NUDT9: variants seen among roughly 807,000 people sequenced by gnomAD.
NUDT9 encodes ADP-ribose pyrophosphatase.
A neutral mutation model predicts 41.0 loss-of-function variants in NUDT9; 31 were observed. The ratio of observed to expected loss-of-function variants is 0.76; its 90% CI spans 0.57 to 1.02. NUDT9 has a LOEUF of 1.02. Among genes scored for constraint, NUDT9 ranks in the 50% least tolerant of loss-of-function variants. The pLI is 0.00. For missense variants in NUDT9, 380 were observed against 431.4 expected (o/e 0.88, Z 1.06); for synonymous variants, 146 against 147.6 (o/e 0.99, Z 0.08).
In NUDT9 at chr4:87,422,986, G is replaced by T. The variant is rs760076747; in HGVS notation, c.81G>T (p.Ser27=). ...LALASVTIRS[S]RCRGIQAFRN... The stretch of plus-strand genomic sequence containing the variant: ...TGGCCTCTGTGACTATCAGGTCCTC[G>T]CGCTGCCGCGGCATCCAGGCGTTCA... The change falls in exon 1 of 8, where the codon TCG becomes TCT. Residue 27 remains serine (S), a synonymous_variant. Coordinates refer to ENST00000302174, the MANE Select transcript of NUDT9 (RefSeq NM_024047.5). 4 of 1,612,930 alleles carry T rather than the reference G, an allele frequency of 2.5e-6. No homozygotes were observed. The highest frequency in any genetic ancestry group is 3.4e-6 in the Non-Finnish European group (4 of 1,179,592).
Position 87,441,904 on chromosome 4 carries a change from C to G in NUDT9, c.519C>G (p.Pro173=), listed in dbSNP as rs751160902. Residue 173 remains proline (P), a synonymous_variant, in exon 4 of 8, where the codon CCC becomes CCG. Transcript: ENST00000302174. ...GRWGPNHAAD[P]IITRWKRDSS... is the part of the protein sequence containing the mutation. ...GGGGCCCAAATCACGCTGCAGATCC[C>G]ATTATAACCAGGTAAGAACCAATAA... 1 of 1,606,582 alleles carries G rather than the reference C, an allele frequency of 6.2e-7. No individual in the cohort carries two copies. Among genetic ancestry groups the G allele is most frequent in the South Asian group, 1.1e-5 (1 of 89,636 alleles).
At chr4:87,438,147 A>C (rs1037114685) in intron 2 of NUDT9, 130 bp from the exon 3 acceptor site, 4 of 481,828 alleles carry the variant, frequency 8.3e-6, no homozygotes, top group Admixed American at 6.9e-5. Context: ...TGAAAAAAAA[A>C]AAAAAACTAA....
At chr4:87,446,247 CT>C (rs386400738) in intron 4 of NUDT9, among the ~76,000 whole-genome samples, 87 of 124,206 alleles carry the variant, frequency 7.0e-4, no homozygotes, top group Admixed American at 1.0e-3. Flanking sequence ...CTTATCTTTC[CT>C]TTTTTTTTTT....
In NUDT9 at chr4:87,458,863, T is replaced by A. The variant is rs1723098163; in HGVS notation, c.*842T>A. The stretch of plus-strand genomic sequence containing the variant: ...ATACGCTGTTAGTGGGAGTGTAAAT[T>A]GGTCCAACCATTGTGGAAGAGAGTG... On this transcript the variant is annotated 3_prime_UTR_variant, in exon 8 of 8. Transcript: ENST00000302174. 6.6e-6 allele frequency: 1 copy of A among 152,188 alleles called. No individual in the cohort carries two copies. The highest frequency in any genetic ancestry group is 6.5e-5 in the Admixed American group (1 of 15,284). 9.4% of individuals were successfully genotyped at this position (152,188 alleles called of 1,614,324 possible). A position where few individuals can be genotyped will look rare whatever the true frequency, so the allele number is the denominator to read the frequency against.
At chr4:87,439,117 G>T (rs1000484294) in intron 3 of NUDT9, among the ~76,000 whole-genome samples, 2 of 151,632 alleles carry the variant, frequency 1.3e-5, no homozygotes, top group African/African-American at 4.9e-5. Flanking sequence ...GGTGGGCTGA[G>T]ATTGCGCCAC....
At chr4:87,452,168 A>T (rs1302378968) in intron 6 of NUDT9, among the ~76,000 whole-genome samples, 3 of 151,836 alleles carry the variant, frequency 2.0e-5, no homozygotes, top group African/African-American at 7.3e-5. Context: ...ACGCCCGGCT[A>T]ATTTTTGTAT....
intron 1 of NUDT9, among the ~76,000 whole-genome samples, chr4:87,429,761 TCC>T (rs1721598444): frequency 6.8e-6 from 1 of 148,030 alleles, no homozygotes. Flanking sequence ...TACTCCCCTT[TCC>T]CCCTCCCTTT....
At chr4:87,440,024 G>A (rs1722135327) in intron 3 of NUDT9, among the ~76,000 whole-genome samples, 1 of 152,026 alleles carries the variant, frequency 6.6e-6, no homozygotes, top group South Asian at 2.1e-4. Context: ...TCTTTCTTTG[G>A]TCATAACTTA....
Position 87,441,882 on chromosome 4 carries a change from G to T in NUDT9, c.497G>T (p.Gly166Val). ...LVGRGLLGRW[G>V]PNHAADPIIT... ...GGCCGGGGGCTTTTGGGGCGATGGG[G>T]CCCAAATCACGCTGCAGATCCCATT... is the stretch of plus-strand genomic sequence containing the variant. Residue 166 changes from glycine to valine, a missense_variant, in exon 4 of 8, where the codon GGC (glycine) becomes GTC (valine). Transcript: ENST00000302174. The T allele has an allele frequency of 6.2e-7, 1 of 1,612,972 alleles. No homozygotes were observed. The highest frequency in any genetic ancestry group is 8.5e-7 in the Non-Finnish European group (1 of 1,179,554).
Position 87,451,735 on chromosome 4 carries a change from G to C in NUDT9, c.789G>C (p.Val263=). The change falls in exon 6 of 8, where the codon GTG becomes GTC. Residue 263 remains valine (V), a splice_region_variant and synonymous_variant. Coordinates refer to ENST00000302174, the MANE Select transcript of NUDT9 (RefSeq NM_024047.5). The part of the protein sequence containing the change: ...LHKLFSQDHL[V]IYKGYVDDPR... The stretch of plus-strand genomic sequence containing the variant: ...AACTCTTCAGCCAAGACCACCTAGT[G>C]GTAAGAAATAGTGTTTCTGGGAGGG... The C allele has an allele frequency of 6.2e-7, 1 of 1,612,698 alleles. No homozygotes were observed.
At chr4:87,446,709 A>G (rs1239878486) in intron 4 of NUDT9, among the ~76,000 whole-genome samples, 4 of 152,128 alleles carry the variant, frequency 2.6e-5, no homozygotes, top group South Asian at 2.1e-4. Context: ...CTCATTTTCC[A>G]TATCTGTAAA....
intron 7 of NUDT9, among the ~76,000 whole-genome samples, chr4:87,456,079 C>T (rs552200266): frequency 6.6e-6 from 1 of 152,220 alleles, no homozygotes; most frequent in African/African-American, 2.4e-5. Context: ...TTTTTGTTTG[C>T]TGTCATTGTA....
chr4:87,450,378 C>CT (rs59228872), intron 5 of NUDT9, among the ~76,000 whole-genome samples: 2,778 of 102,296 alleles, frequency 0.027, 78 homozygotes, highest in South Asian at 0.062. Flanking sequence ...TTTTCTTTTT[C>CT]TTTTTTTTTT....
chr4:87,455,661 T>C (rs1053844784), intron 7 of NUDT9, among the ~76,000 whole-genome samples: 2 of 148,592 alleles, frequency 1.3e-5, no homozygotes, highest in African/African-American at 4.9e-5. Context: ...CTTTTTTCTT[T>C]TTTTTTTTTT....
chr4:87,433,631 G>A (rs1721781473), intron 1 of NUDT9, among the ~76,000 whole-genome samples: 1 of 152,188 alleles, frequency 6.6e-6, no homozygotes, highest in African/African-American at 2.4e-5. Flanking sequence ...ATTTTACCAT[G>A]TCCTCAGAAT....
intron 2 of NUDT9, among the ~76,000 whole-genome samples, chr4:87,436,278 T>G (rs1377631292): frequency 6.6e-6 from 1 of 152,210 alleles, no homozygotes; most frequent in African/African-American, 2.4e-5. Flanking sequence ...TTACTCATTT[T>G]GCATAACTGA....
Position 87,423,028 on chromosome 4 carries a change from A to G in NUDT9, c.107+16A>G, listed in dbSNP as rs1203008295. On this transcript the variant is annotated intron_variant, in intron 1 of 7. Transcript: ENST00000302174. ...AGGCGTTCAGGTATTCCACCCTCCT[A>G]CTACCGGCTCCTTTGCCCTAGACCT... 3 of 1,599,676 alleles carry G rather than the reference A, an allele frequency of 1.9e-6. No individual in the cohort carries two copies. Among genetic ancestry groups the G allele is most frequent in the Middle Eastern group, 1.7e-4 (1 of 6,036 alleles).
chr4:87,436,478 CTT>C (rs1721940300), intron 2 of NUDT9, among the ~76,000 whole-genome samples: 1 of 152,006 alleles, frequency 6.6e-6, no homozygotes, highest in African/African-American at 2.4e-5. Flanking sequence ...GCCTGGCTAA[CTT>C]TTAAATTTTT....
chr4:87,458,151 A>G lies in NUDT9; in HGVS notation c.*130A>G. On this transcript the variant is annotated 3_prime_UTR_variant, in exon 8 of 8. Transcript: ENST00000302174. ...CCTATTTACTTTCAAAACAATTTGCATTTAGAGTGTTTCGCATCAGAATAA... is the reference window on the plus strand; with the variant it reads ...CCTATTTACTTTCAAAACAATTTGCGTTTAGAGTGTTTCGCATCAGAATAA... 1 of 746,756 alleles carries G rather than the reference A, an allele frequency of 1.3e-6. No individual in the cohort carries two copies. The highest frequency in any genetic ancestry group is 1.9e-6 in the Non-Finnish European group (1 of 526,250). The allele number at this position is 746,756 out of a possible 1,614,324, so 46.3% of individuals were successfully genotyped here.
Sources: allele counts gnomAD v4.1 joint callset (sites outside exome capture counted in the v4.1 genomes callset), GRCh38; gene constraint gnomAD v4.1.1; transcripts MANE v1.5; gene names NCBI Gene and HGNC (gene_info 2026-07-23, HGNC 2026-07-21).